The following NCOA6 variants were observed in gnomAD, a reference collection of about 807,000 sequenced individuals.
NCOA6 encodes NRC RAP250.
In NCOA6, 49 loss-of-function variants were observed where a neutral mutation model predicts 171.4. That is an observed-to-expected ratio of 0.29 (90% confidence interval 0.23 to 0.36). The LOEUF (loss-of-function observed/expected upper bound fraction) is 0.36, where lower values mean the gene tolerates loss of function less well. NCOA6 is among the 10% of genes least tolerant of loss of function. The pLI is 1.00. For missense variants in NCOA6, 2,248 were observed against 2,554.5 expected (o/e 0.88, Z 2.59); for synonymous variants, 910 against 927.5 (o/e 0.98, Z 0.34).
chr20:34,727,206 G>T, intron 14 of NCOA6, 53 bp downstream of exon 14: 1 of 1,583,332 alleles, frequency 6.3e-7, no homozygotes, highest in South Asian at 1.1e-5. Context: ...GCTGTGGTAA[G>T]AACTCTATTC....
intron 3 of NCOA6, among the ~76,000 whole-genome samples, chr20:34,778,194 G>A (rs745543216): frequency 2.0e-5 from 3 of 151,930 alleles, no homozygotes; most frequent in Non-Finnish European, 4.4e-5. Flanking sequence ...GAGCCACTGC[G>A]CCCAGCCACA....
intron 5 of NCOA6, among the ~76,000 whole-genome samples, chr20:34,764,942 C>T (rs2076931429): frequency 6.6e-6 from 1 of 151,388 alleles, no homozygotes; most frequent in African/African-American, 2.4e-5. Flanking sequence ...GGTGAAACCC[C>T]ATCTCTACTA....
chr20:34,757,538 T>A lies in NCOA6; in HGVS notation c.1210A>T (p.Met404Leu), dbSNP rs1302320718. ...GAGGGCCCTCCCTGCAAACTCTTCATCTGAGGAGCTGTGAACTGGCCTGGG... is the reference window on the plus strand; with the variant it reads ...GAGGGCCCTCCCTGCAAACTCTTCAACTGAGGAGCTGTGAACTGGCCTGGG... ...SNPGQFTAPQ[M>L]KSLQGGPSRV... Residue 404 changes from methionine to leucine, a missense_variant, in exon 7 of 15, where the codon ATG (methionine) becomes TTG (leucine). By Grantham distance (15) the Met-to-Leu change is conservative. Coordinates refer to ENST00000359003, the MANE Select transcript of NCOA6 (RefSeq NM_014071.5). The A allele has an allele frequency of 1.2e-6, 2 of 1,613,926 alleles. No homozygotes were observed. Among genetic ancestry groups the A allele is most frequent in the Middle Eastern group, 1.7e-4 (1 of 6,060 alleles).
rs111414883 is a variant in NCOA6, at chr20:34,741,940, A to G, written c.4316T>C (p.Ile1439Thr). 28 of 1,614,126 alleles carry G rather than the reference A, an allele frequency of 1.7e-5. 1 individual carries two copies. The highest frequency in any genetic ancestry group is 1.5e-4 in the African/African-American group (11 of 75,020). The change falls in exon 11 of 15, where the codon ATT becomes ACT. Residue 1439 changes from isoleucine (I) to threonine (T), a missense_variant. This residue lies in a region of NCOA6 where 884 missense variants were observed against 941.9 expected (regional missense o/e 0.94). Transcript: ENST00000359003. ...NSQSRKEQVNIELKAVPAQEV... is the reference protein window; with the variant it reads ...NSQSRKEQVNTELKAVPAQEV... Reference sequence around the variant, plus strand: ...TTGGGCAGGGACTGCTTTTAGTTCAATGTTTACCTGTTCCTTCCTACTCTG... The same window carrying G: ...TTGGGCAGGGACTGCTTTTAGTTCAGTGTTTACCTGTTCCTTCCTACTCTG...
chr20:34,739,459 A>G (rs2076062557), intron 11 of NCOA6, among the ~76,000 whole-genome samples: 1 of 152,320 alleles, frequency 6.6e-6, no homozygotes, highest in Non-Finnish European at 1.5e-5. Context: ...TACTGTGTCC[A>G]TTATCATGAA....
chr20:34,767,099 C>T (rs946610413), intron 5 of NCOA6, among the ~76,000 whole-genome samples: 1 of 152,116 alleles, frequency 6.6e-6, no homozygotes, highest in Non-Finnish European at 1.5e-5. Context: ...GAAATGTTTG[C>T]TACACTGCTC....
At chr20:34,819,589 A>T (rs947780998) in intron 1 of NCOA6, 2 of 152,198 alleles carry the variant, frequency 1.3e-5, no homozygotes, top group African/African-American at 4.8e-5. Flanking sequence ...CCTTGGAAGC[A>T]TCTCCTGCAA....
intron 4 of NCOA6, among the ~76,000 whole-genome samples, chr20:34,774,885 A>T (rs1215811404): frequency 6.6e-6 from 1 of 152,230 alleles, no homozygotes. Context: ...AACAATAATC[A>T]AATAATTGCT....
At chr20:34,753,208 G>C (rs2076544246) in intron 8 of NCOA6, among the ~76,000 whole-genome samples, 1 of 150,984 alleles carries the variant, frequency 6.6e-6, no homozygotes, top group African/African-American at 2.4e-5. Flanking sequence ...ACCACACCCG[G>C]CTAGTTTTTT....
At chr20:34,734,076 T>C (rs1600772165) in intron 12 of NCOA6, among the ~76,000 whole-genome samples, 3 of 152,192 alleles carry the variant, frequency 2.0e-5, no homozygotes, top group East Asian at 1.9e-4. Flanking sequence ...TCACCCTCAT[T>C]GTTTTTTATT....
At chr20:34,724,665 G>A (rs929710365) in intron 14 of NCOA6, among the ~76,000 whole-genome samples, 4 of 152,132 alleles carry the variant, frequency 2.6e-5, no homozygotes, top group African/African-American at 7.2e-5. Context: ...AGCCTTCTCT[G>A]ACCTGGCAGA....
chr20:34,824,149 A>C (rs1356670644), intron 1 of NCOA6, among the ~76,000 whole-genome samples: 2 of 152,192 alleles, frequency 1.3e-5, no homozygotes, highest in Non-Finnish European at 2.9e-5. Context: ...CAAATTTAAT[A>C]GTTATCTGGT....
intron 1 of NCOA6, among the ~76,000 whole-genome samples, chr20:34,802,017 G>A (rs1461167362): frequency 6.6e-6 from 1 of 152,152 alleles, no homozygotes; most frequent in East Asian, 1.9e-4. Flanking sequence ...CCAAAAAATA[G>A]TGAAGAGAAT....
At chr20:34,730,947 T>C (rs1448938187) in intron 13 of NCOA6, among the ~76,000 whole-genome samples, 1 of 152,128 alleles carries the variant, frequency 6.6e-6, no homozygotes, top group African/African-American at 2.4e-5. Context: ...GCTCAAGCCA[T>C]CTGCCTACCT....
chr20:34,798,512 G>A lies in NCOA6; in HGVS notation c.-163-5949C>T, dbSNP rs185908272. Among the ~76,000 whole-genome samples the A allele has an allele frequency of 1.6e-4, 24 of 152,356 alleles. No individual in the cohort carries two copies. The East Asian group carries it at 3.7e-3, about 23-fold the overall frequency. ...GTGGTAGTTACTACAGGCCTTGGGC[G>A]AGAGACCCAGTGCTGTGCTGGCTTT... is the stretch of plus-strand genomic sequence containing the variant. On this transcript the variant is annotated intron_variant, in intron 1 of 14. Coordinates refer to ENST00000359003, the MANE Select transcript of NCOA6 (RefSeq NM_014071.5).
At chr20:34,732,401 G>A (rs1437571424) in intron 13 of NCOA6, among the ~76,000 whole-genome samples, 158 bp downstream of exon 13, 1 of 152,152 alleles carries the variant, frequency 6.6e-6, no homozygotes, top group Non-Finnish European at 1.5e-5. Context: ...GAGGGATTAG[G>A]ACTCATGACA....
chr20:34,768,781 G>A (rs1186592700), intron 4 of NCOA6, among the ~76,000 whole-genome samples, 195 bp from the exon 5 acceptor site: 1 of 152,160 alleles, frequency 6.6e-6, no homozygotes, highest in African/African-American at 2.4e-5. Flanking sequence ...AGCACAAGGA[G>A]ATATAACCAA....
chr20:34,802,533 G>A (rs1056249285), intron 1 of NCOA6, among the ~76,000 whole-genome samples: 3 of 152,010 alleles, frequency 2.0e-5, no homozygotes, highest in African/African-American at 4.8e-5. Flanking sequence ...CCAGGGAGTC[G>A]GAAGTTGCAG....
At chr20:34,735,340 G>A (rs1385456216) in intron 12 of NCOA6, among the ~76,000 whole-genome samples, 2 of 152,068 alleles carry the variant, frequency 1.3e-5, no homozygotes, top group Non-Finnish European at 2.9e-5. Flanking sequence ...GCAATTGGCA[G>A]CAAAGAAAGA....
Sources: gnomAD v4.1 joint callset for allele counts (sites outside exome capture counted in the v4.1 genomes callset) on GRCh38, gnomAD v4.1.1 for gene constraint, gnomAD v4.1.1 regional missense constraint, MANE v1.5 for transcripts, NCBI Gene and HGNC (gene_info 2026-07-23, HGNC 2026-07-21) for gene names.